Variants in TASOR observed in about 807,000 individuals in gnomAD.
TASOR encodes protein TASOR.
A neutral mutation model predicts 178.6 loss-of-function variants in TASOR; 53 were observed. The ratio of observed to expected loss-of-function variants is 0.30; its 90% CI spans 0.24 to 0.37. The LOEUF (loss-of-function observed/expected upper bound fraction) is 0.37. Ranked by LOEUF, TASOR falls within the 10% of genes least tolerant of loss-of-function variation. The probability of loss-of-function intolerance (pLI) is 1.00; values close to 1 mark genes in which losing one functional copy is unlikely to be tolerated. For synonymous variants in TASOR, 713 were observed against 696.2 expected (o/e 1.02, Z -0.38); for missense variants, 1,815 against 1,971.4 (o/e 0.92, Z 1.50).
intron 17 of TASOR, 41 bp downstream of exon 17, chr3:56,638,665 G>A (rs1321186618): frequency 1.2e-6 from 2 of 1,608,146 alleles, no homozygotes; most frequent in South Asian, 1.1e-5. Flanking sequence ...CAACTCTGAA[G>A]AAGGGCACAC....
At chr3:56,650,528 G>C (rs887312818) in intron 11 of TASOR, among the ~76,000 whole-genome samples, 2 of 152,194 alleles carry the variant, frequency 1.3e-5, no homozygotes, top group African/African-American at 4.8e-5. Flanking sequence ...TCCATCTGAA[G>C]ACCATTCTAA....
chr3:56,657,068 G>A (rs1191269595), intron 11 of TASOR, among the ~76,000 whole-genome samples: 2 of 150,834 alleles, frequency 1.3e-5, no homozygotes, highest in Admixed American at 6.6e-5. Context: ...GGTGGCTCAC[G>A]CCTGTAATCT....
intron 14 of TASOR, among the ~76,000 whole-genome samples, chr3:56,643,754 C>CA (rs766546690): frequency 0.078 from 6,914 of 88,466 alleles, 174 homozygotes; most frequent in East Asian, 0.11. Context: ...GACTCCGTCT[C>CA]AAAAAAAAAA....
At position 56,660,082 on chromosome 3, in the gene TASOR, C is replaced by T. The variant is rs542702153; in HGVS notation, c.1368+649G>A. Among the ~76,000 whole-genome samples, 26 of 151,920 alleles carry T rather than the reference C, an allele frequency of 1.7e-4. No individual in the cohort carries two copies. The Middle Eastern group carries it at 0.014, about 80-fold the overall frequency. On this transcript the variant is annotated intron_variant, in intron 11 of 23. Transcript: ENST00000683822. The stretch of plus-strand genomic sequence containing the variant: ...TTCTCCATGTTGGTCAGGATGGTCC[C>T]GATCTCCTGATCTTATGATCTGCCT...
chr3:56,679,803 A>G (rs903039180), intron 1 of TASOR, among the ~76,000 whole-genome samples: 2 of 152,244 alleles, frequency 1.3e-5, no homozygotes, highest in African/African-American at 4.8e-5. Context: ...GGCAATAGTG[A>G]AACATCTACC....
chr3:56,647,248 A>G, intron 13 of TASOR, 25 bp from the exon 14 acceptor site: 1 of 1,496,884 alleles, frequency 6.7e-7, no homozygotes, highest in Non-Finnish European at 8.9e-7. Flanking sequence ...AACAAACAAA[A>G]AAGCAAACCA....
rs185913708 is a variant in TASOR, at chr3:56,622,740, G to A, written c.*297C>T. 20 of 186,624 alleles carry A rather than the reference G, an allele frequency of 1.1e-4. No homozygotes were observed. The highest frequency in any genetic ancestry group is 2.1e-3 in the Middle Eastern group (1 of 470). The allele number at this position is 186,624 out of a possible 1,614,324, so 11.6% of individuals were successfully genotyped here. ...AGAAGTAAAGCCTTTGCTGTTTACC[G>A]TCCTCCTGCAAGCATCTGATTTTAC... On this transcript the variant is annotated 3_prime_UTR_variant, in exon 24 of 24. Transcript: ENST00000683822.
chr3:56,640,113 G>T lies in TASOR; in HGVS notation c.2637C>A (p.Ser879Arg). Reference sequence around the variant, plus strand: ...AACTGCAATCTTCAAAATTATTCACGCTAATTAAATTTGGATCCTAAAAAT... The same window carrying T: ...AACTGCAATCTTCAAAATTATTCACTCTAATTAAATTTGGATCCTAAAAAT... The part of the protein sequence containing the change: ...LHLKEDPNLI[S>R]VNNFEDCSLC... The change falls in exon 16 of 24, where the codon AGC becomes AGA. Residue 879 changes from serine to arginine, a missense_variant. This residue lies in a region of TASOR where 655 missense variants were observed against 671.1 expected (regional missense o/e 0.98). Transcript: ENST00000683822. 1.2e-6 allele frequency: 2 copies of T among 1,612,334 alleles called. No homozygotes were observed. The highest frequency in any genetic ancestry group is 8.5e-7 in the Non-Finnish European group (1 of 1,179,354).
intron 11 of TASOR, among the ~76,000 whole-genome samples, chr3:56,649,315 G>A (rs115216550): frequency 0.012 from 1,871 of 152,194 alleles, 48 homozygotes; most frequent in African/African-American, 0.042. Context: ...GCAAAACCAC[G>A]TTAATTTTTC....
At chr3:56,659,826 T>C (rs1210666868) in intron 11 of TASOR, among the ~76,000 whole-genome samples, 1 of 152,146 alleles carries the variant, frequency 6.6e-6, no homozygotes, top group Non-Finnish European at 1.5e-5. Flanking sequence ...ACTACTCTAG[T>C]GTTCCTTTAT....
intron 1 of TASOR, among the ~76,000 whole-genome samples, chr3:56,679,614 T>A (rs1162352995): frequency 6.6e-6 from 1 of 152,326 alleles, no homozygotes; most frequent in East Asian, 1.9e-4. Context: ...GGAAATTTAG[T>A]GCATGAGCGC....
chr3:56,628,315 A>G (rs1462204879), intron 19 of TASOR, among the ~76,000 whole-genome samples, 177 bp downstream of exon 19: 1 of 152,242 alleles, frequency 6.6e-6, no homozygotes, highest in Non-Finnish European at 1.5e-5. Context: ...TGTGATGTGC[A>G]GCAATTTAAA....
In TASOR at chr3:56,682,848, G is replaced by A. The variant is rs561666406; in HGVS notation, c.159C>T (p.Gly53=). ...GGGLNIAEPS[G]GAGREENAGA... is the part of the protein sequence containing the mutation. ...CCGCGTTCTCCTCACGCCCAGCGCC[G>A]CCGCTGGGCTCAGCGATGTTGAGGC... The change falls in exon 1 of 24, where the codon GGC becomes GGT. Residue 53 remains glycine, a synonymous_variant. Transcript: ENST00000683822. 139 of 1,550,176 alleles carry A rather than the reference G, an allele frequency of 9.0e-5. 1 individual carries two copies. The Admixed American group carries it at 9.4e-4, about 11-fold the overall frequency.
intron 20 of TASOR, 85 bp from the exon 21 acceptor site, chr3:56,627,230 T>G: frequency 1.3e-6 from 1 of 792,960 alleles, no homozygotes; most frequent in South Asian, 1.7e-5. Flanking sequence ...TTTCATATTA[T>G]GTAGAAACAC....
intron 1 of TASOR, 66 bp from the exon 2 acceptor site, chr3:56,673,791 T>G (rs1015068520): frequency 4.8e-5 from 65 of 1,356,620 alleles, no homozygotes; most frequent in Non-Finnish European, 6.1e-5. Flanking sequence ...GCTTTTTATA[T>G]TTTTGTGGGT....
In TASOR at chr3:56,647,214, C is replaced by G; in HGVS notation, c.1523G>C (p.Gly508Ala). The change falls in exon 14 of 24, where the codon GGT becomes GCT. Residue 508 changes from glycine (G) to alanine (A), a missense_variant. Physicochemically the swap from Gly to Ala is moderately conservative, Grantham distance 60 (BLOSUM62 0). Coordinates refer to ENST00000683822, the MANE Select transcript of TASOR (RefSeq NM_001365635.2). Reference protein sequence around the residue: ...EPRSIVTSQKGSTNAAPQERH... With the variant: ...EPRSIVTSQKASTNAAPQERH... ...CTCCTGTGGTGCTGCATTGGTTGAA[C>G]CTTTTTGTGCTGTAAATAAAACAAA... 7.2e-6 allele frequency: 11 copies of G among 1,529,154 alleles called. No individual in the cohort carries two copies. The highest frequency in any genetic ancestry group is 8.7e-6 in the Non-Finnish European group (10 of 1,146,266). 94.7% of individuals were successfully genotyped at this position (1,529,154 alleles called of 1,614,324 possible).
chr3:56,663,364 T>G (rs570686932), intron 8 of TASOR, among the ~76,000 whole-genome samples, 177 bp downstream of exon 8: 1 of 152,208 alleles, frequency 6.6e-6, no homozygotes, highest in Admixed American at 6.5e-5. Context: ...CTATTCACAG[T>G]AGCAGATTTT....
intron 19 of TASOR, 32 bp downstream of exon 19, chr3:56,628,460 A>G: frequency 6.3e-7 from 1 of 1,580,370 alleles, no homozygotes; most frequent in Non-Finnish European, 8.6e-7. Flanking sequence ...AGTTTTTAAA[A>G]CCAAAGTAGT....
At chr3:56,641,246 A>C (rs1399590533) in intron 15 of TASOR, 103 bp downstream of exon 15, 6 of 1,205,728 alleles carry the variant, frequency 5.0e-6, no homozygotes, top group South Asian at 1.7e-5. Context: ...AGTGCATTTT[A>C]TTTCTTTTTC....
Sources: allele counts gnomAD v4.1 joint callset (sites outside exome capture counted in the v4.1 genomes callset), GRCh38; gene constraint gnomAD v4.1.1; regional missense constraint gnomAD v4.1.1; transcripts MANE v1.5; gene names NCBI Gene and HGNC (gene_info 2026-07-23, HGNC 2026-07-21).